Variants in ROBO1 observed in about 807,000 individuals in gnomAD.
The protein encoded by ROBO1 is roundabout guidance receptor 1, also known as roundabout homolog 1.
Under a neutral mutation model 195.9 loss-of-function variants are expected in ROBO1, and 149 were observed. The observed-to-expected ratio is 0.76, with a 90% CI of 0.67 to 0.87. ROBO1 has a LOEUF of 0.87. ROBO1 is among the 40% of genes least tolerant of loss of function. The pLI, the probability that ROBO1 is intolerant of heterozygous loss-of-function variation, is 0.00. For synonymous variants in ROBO1, 816 were observed against 733.2 expected (o/e 1.11, Z -1.82); for missense variants, 1,933 against 2,068.3 (o/e 0.93, Z 1.27).
At chr3:79,144,865 T>C (rs1452665754) in intron 2 of ROBO1, among the ~76,000 whole-genome samples, 1 of 151,964 alleles carries the variant, frequency 6.6e-6, no homozygotes, top group Non-Finnish European at 1.5e-5. Flanking sequence ...CAATGTATCT[T>C]GTTAGAGAAA....
At chr3:79,039,464 A>C (rs2078441449) in intron 3 of ROBO1, among the ~76,000 whole-genome samples, 3 of 152,164 alleles carry the variant, frequency 2.0e-5, no homozygotes, top group Non-Finnish European at 4.4e-5. Context: ...AGGCAGTAGA[A>C]ATAGCCATGG....
Position 78,639,786 on chromosome 3 carries a change from T to C in ROBO1, c.2995A>G (p.Asn999Asp), listed in dbSNP as rs1486651484. 2 of 1,613,482 alleles carry C rather than the reference T, an allele frequency of 1.2e-6. No individual in the cohort carries two copies. The highest frequency in any genetic ancestry group is 8.5e-7 in the Non-Finnish European group (1 of 1,179,492). Residue 999 changes from asparagine (N) to aspartate (D), a missense_variant, in exon 22 of 31, where the codon AAT becomes GAT. By Grantham distance (23) the Asn-to-Asp change is conservative. This residue lies in a region of ROBO1 where 1,737 missense variants were observed against 1,882.5 expected (regional missense o/e 0.92). Coordinates refer to ENST00000464233, the MANE Select transcript of ROBO1 (RefSeq NM_002941.4). Reference sequence around the variant, plus strand: ...GTGAGGTTGCTGTCGCTGTTTCCATTGCCTGCCGTGCAGCAGCTGATGGAG... The same window carrying C: ...GTGAGGTTGCTGTCGCTGTTTCCATCGCCTGCCGTGCAGCAGCTGATGGAG... Reference protein sequence around the residue: ...DCSISCCTAGNGNSDSNLTTY... With the variant: ...DCSISCCTAGDGNSDSNLTTY...
At chr3:78,710,732 T>G (rs1431609038) in intron 8 of ROBO1, among the ~76,000 whole-genome samples, 1 of 152,216 alleles carries the variant, frequency 6.6e-6, no homozygotes, top group Non-Finnish European at 1.5e-5. Flanking sequence ...ATGTCCATTC[T>G]CTTAGCTACA....
intron 2 of ROBO1, among the ~76,000 whole-genome samples, chr3:79,446,444 A>G (rs2039258837): frequency 6.6e-6 from 1 of 152,210 alleles, no homozygotes; most frequent in African/African-American, 2.4e-5. Context: ...CACCATATGC[A>G]TTATAGCTAT....
intron 10 of ROBO1, among the ~76,000 whole-genome samples, chr3:78,678,141 A>C (rs1278667630): frequency 6.6e-6 from 1 of 152,272 alleles, no homozygotes; most frequent in South Asian, 2.1e-4. Flanking sequence ...ACAAAGACAC[A>C]ACATACCAGA....
chr3:79,079,197 T>C (rs561866210), intron 3 of ROBO1, among the ~76,000 whole-genome samples: 1 of 151,816 alleles, frequency 6.6e-6, no homozygotes, highest in Non-Finnish European at 1.5e-5. Flanking sequence ...ATTAGAAATA[T>C]GTGAAGCTTA....
chr3:78,939,040 G>A (rs1241199882), intron 3 of ROBO1, 113 bp from the exon 4 acceptor site: 41 of 879,760 alleles, frequency 4.7e-5, no homozygotes, highest in Admixed American at 8.5e-5. Flanking sequence ...CATTGGCCTA[G>A]CCTTCCTACC....
chr3:79,388,071 A>T (rs1218506195), intron 2 of ROBO1, among the ~76,000 whole-genome samples: 1 of 152,170 alleles, frequency 6.6e-6, no homozygotes, highest in African/African-American at 2.4e-5. Context: ...TTAAGCTATT[A>T]AAAGACTATT....
intron 24 of ROBO1, 63 bp from the exon 25 acceptor site, chr3:78,631,368 A>C (rs770598262): frequency 2.9e-5 from 43 of 1,501,382 alleles, no homozygotes; most frequent in Non-Finnish European, 3.6e-5. Context: ...CATTAGTCAC[A>C]AGTTAATTAT....
intron 2 of ROBO1, among the ~76,000 whole-genome samples, chr3:79,500,120 T>G (rs1390720998): frequency 7.2e-5 from 1 of 13,916 alleles, no homozygotes; most frequent in African/African-American, 9.8e-4. Flanking sequence ...AAGTTTTCTC[T>G]TTTTTTTTTT....
chr3:79,169,240 T>A (rs965692352), intron 2 of ROBO1, among the ~76,000 whole-genome samples: 2 of 152,208 alleles, frequency 1.3e-5, no homozygotes, highest in East Asian at 3.8e-4. Context: ...ATTCATTTTA[T>A]TATGTTATAA....
In ROBO1 at chr3:78,880,704, C is replaced by CT. The variant is rs1398572504; in HGVS notation, c.499+57896dup. Reference sequence around the variant, plus strand: ...AGTTGGAGATCTAACCCTTTATCTGCTTTTTTTTCTATTTCAGTTCCAATA... The same window carrying CT: ...AGTTGGAGATCTAACCCTTTATCTGCTTTTTTTTTCTATTTCAGTTCCAATA... On this transcript the variant is annotated intron_variant, in intron 4 of 30. Transcript: ENST00000464233. Among the ~76,000 whole-genome samples the CT allele has an allele frequency of 8.5e-5, 13 of 152,164 alleles. No homozygotes were observed. The East Asian group carries it at 1.9e-3, about 23-fold the overall frequency.
At chr3:79,747,043 A>G (rs1703906697) in intron 1 of ROBO1, among the ~76,000 whole-genome samples, 1 of 152,064 alleles carries the variant, frequency 6.6e-6, no homozygotes, top group Admixed American at 6.6e-5. Flanking sequence ...GTAAAGGAGT[A>G]TTCCAGCCCA....
chr3:78,726,146 C>T (rs2082156949), intron 5 of ROBO1, among the ~76,000 whole-genome samples: 1 of 152,096 alleles, frequency 6.6e-6, no homozygotes, highest in Admixed American at 6.5e-5. Context: ...AATTGCTAAC[C>T]ACCAAACTGT....
chr3:79,637,929 T>G (rs1332457490), intron 1 of ROBO1, among the ~76,000 whole-genome samples: 1 of 152,204 alleles, frequency 6.6e-6, no homozygotes, highest in Non-Finnish European at 1.5e-5. Context: ...AATTTTTTTA[T>G]ATGGATGGTT....
intron 1 of ROBO1, among the ~76,000 whole-genome samples, chr3:79,701,951 AG>A (rs1947633958): frequency 6.6e-6 from 1 of 151,808 alleles, no homozygotes; most frequent in Admixed American, 6.6e-5. Context: ...GACTATACAA[AG>A]CAGATTATAT....
intron 8 of ROBO1, chr3:78,692,739 G>A (rs1230108637): frequency 6.6e-6 from 1 of 152,028 alleles, no homozygotes; most frequent in South Asian, 2.1e-4. Context: ...AAACTTGATG[G>A]CTTATTTATT....
chr3:79,178,893 ACT>A (rs1403811302), intron 2 of ROBO1, among the ~76,000 whole-genome samples: 1 of 152,214 alleles, frequency 6.6e-6, no homozygotes, highest in Non-Finnish European at 1.5e-5. Context: ...ATAGTAAGAC[ACT>A]GTCTTTTAAA....
chr3:79,363,344 A>G (rs1011243854), intron 2 of ROBO1, among the ~76,000 whole-genome samples: 1 of 152,184 alleles, frequency 6.6e-6, no homozygotes. Flanking sequence ...ATTCAACATG[A>G]TCACAAAACA....
Sources: allele counts gnomAD v4.1 joint callset (sites outside exome capture counted in the v4.1 genomes callset), GRCh38; gene constraint gnomAD v4.1.1; regional missense constraint gnomAD v4.1.1; transcripts MANE v1.5; gene names NCBI Gene and HGNC (gene_info 2026-07-23, HGNC 2026-07-21).